Variants in RYR2 observed in about 807,000 individuals in gnomAD.
RYR2 encodes the protein ryanodine receptor 2.
RYR2 carries 227 observed loss-of-function variants against 601.1 expected under a neutral mutation model. The ratio of observed to expected loss-of-function variants is 0.38; its 90% CI spans 0.34 to 0.42. The LOEUF is 0.42. RYR2 is among the 10% of genes least tolerant of loss of function. The probability of loss-of-function intolerance (pLI) is 1.00; values close to 1 mark genes in which losing one functional copy is unlikely to be tolerated. For missense variants in RYR2, 4,646 were observed against 6,156.5 expected (o/e 0.75, Z 8.21); for synonymous variants, 2,223 against 2,175.1 (o/e 1.02, Z -0.61).
chr1:237,379,253 G>A (rs975527815), intron 8 of RYR2, among the ~76,000 whole-genome samples: 3 of 151,964 alleles, frequency 2.0e-5, no homozygotes, highest in Admixed American at 6.6e-5. Context: ...TTGTACTTCC[G>A]CTACGTATCA....
rs571333022 is a variant in RYR2 at position 237,765,413 on chromosome 1, T to A, written c.11476+4385T>A. Among the ~76,000 whole-genome samples, 6 of 152,306 alleles carry A rather than the reference T, an allele frequency of 3.9e-5. No individual in the cohort carries two copies. In the East Asian group the frequency reaches 1.2e-3, roughly 29 times the overall value. Reference sequence around the variant, plus strand: ...ATTTCTTAAAAATAGTTTGATTTTTTAAAATCCTCACTACAACATTAACTA... The same window carrying A: ...ATTTCTTAAAAATAGTTTGATTTTTAAAAATCCTCACTACAACATTAACTA... On this transcript the variant is annotated intron_variant, in intron 84 of 104. Transcript: ENST00000366574.
At chr1:237,818,657 TTA>T (rs1662102265) in intron 100 of RYR2, among the ~76,000 whole-genome samples, 1 of 151,980 alleles carries the variant, frequency 6.6e-6, no homozygotes, top group Non-Finnish European at 1.5e-5. Flanking sequence ...CCAATGTCTG[TTA>T]TGTCCAAAAT....
intron 58 of RYR2, among the ~76,000 whole-genome samples, chr1:237,671,819 A>G (rs1684972813): frequency 6.6e-6 from 1 of 152,070 alleles, no homozygotes; most frequent in Non-Finnish European, 1.5e-5. Context: ...TCCAAAAAGT[A>G]TGATTAGTGC....
intron 1 of RYR2, among the ~76,000 whole-genome samples, chr1:237,261,645 C>T (rs1348089273): frequency 6.6e-6 from 1 of 152,166 alleles, no homozygotes; most frequent in Non-Finnish European, 1.5e-5. Context: ...CCTGTAATCC[C>T]AGCACTTTGG....
intron 68 of RYR2, 102 bp downstream of exon 68, chr1:237,707,371 A>G (rs1327608202): frequency 6.4e-6 from 4 of 629,656 alleles, no homozygotes; most frequent in Non-Finnish European, 1.0e-5. Context: ...TTTTATTAAT[A>G]TTTTCTTTAC....
chr1:237,582,319 A>T (rs1033505490), intron 29 of RYR2, among the ~76,000 whole-genome samples: 1 of 150,914 alleles, frequency 6.6e-6, no homozygotes, highest in Admixed American at 6.6e-5. Context: ...CACAATGGCC[A>T]GGCTGGTCTC....
intron 101 of RYR2, among the ~76,000 whole-genome samples, chr1:237,820,685 G>T (rs748329542): frequency 2.6e-5 from 4 of 152,110 alleles, no homozygotes; most frequent in Non-Finnish European, 5.9e-5. Flanking sequence ...CCATTCACTC[G>T]CCTGGAAAGG....
Position 237,614,342 on chromosome 1 carries a change from G to C in RYR2, c.5214G>C (p.Leu1738=). The change falls in exon 37 of 105, where the codon CTG becomes CTC. Residue 1738 remains leucine, a synonymous_variant. Transcript: ENST00000366574. This position sits in a 1 kb window ranked among gnomAD's most constrained non-coding sequence, Gnocchi z 4.3. ...CGGAGGAGACGAAGAGCATCACCCT[G>C]TTCCCTGATGAGAACAAAAAACACG... ...PMTEETKSIT[L]FPDENKKHGL... 6.2e-7 allele frequency: 1 copy of C among 1,614,012 alleles called. No individual in the cohort carries two copies.
At chr1:237,209,972 T>C (rs56065009) in intron 1 of RYR2, among the ~76,000 whole-genome samples, 13,550 of 152,184 alleles carry the variant, frequency 0.089, 667 homozygotes, top group East Asian at 0.19. Context: ...TAATGAGAAA[T>C]ATAACATGTA....
chr1:237,596,258 G>T (rs1675882011), intron 34 of RYR2, among the ~76,000 whole-genome samples: 1 of 152,084 alleles, frequency 6.6e-6, no homozygotes, highest in African/African-American at 2.4e-5. Flanking sequence ...GATCTTAAGG[G>T]AACTCAGTGA....
In RYR2 at chr1:237,270,477, C is replaced by T. The variant is rs775984998; in HGVS notation, c.49-20C>T. The stretch of plus-strand genomic sequence containing the variant: ...TGTCACGTCTCACTTATTTTTCCCT[C>T]TCTTTCTCCCCCTTTGCAGGATGAT... On this transcript the variant is annotated intron_variant, in intron 1 of 104. Transcript: ENST00000366574. The T allele has an allele frequency of 3.2e-6, 5 of 1,560,462 alleles. No homozygotes were observed. Among genetic ancestry groups the T allele is most frequent in the Non-Finnish European group, 8.7e-7 (1 of 1,151,156 alleles).
intron 63 of RYR2, among the ~76,000 whole-genome samples, chr1:237,691,460 AC>A (rs1686938257): frequency 6.6e-6 from 1 of 152,076 alleles, no homozygotes; most frequent in Admixed American, 6.6e-5. Context: ...ATATCTCCAA[AC>A]CTCGCCTGTG....
intron 25 of RYR2, among the ~76,000 whole-genome samples, chr1:237,542,523 C>G (rs756852127): frequency 5.9e-5 from 9 of 152,288 alleles, no homozygotes; most frequent in South Asian, 2.1e-4. Flanking sequence ...TCTCATCTGA[C>G]TTTGCTGTCT....
chr1:237,201,886 A>C (rs938247312), intron 1 of RYR2, among the ~76,000 whole-genome samples: 1 of 152,178 alleles, frequency 6.6e-6, no homozygotes, highest in African/African-American at 2.4e-5. Context: ...ATTTGGTTCT[A>C]TCTGAGTTAT....
intron 17 of RYR2, among the ~76,000 whole-genome samples, chr1:237,474,654 T>C (rs1289906556): frequency 1.3e-5 from 2 of 152,126 alleles, no homozygotes; most frequent in Non-Finnish European, 2.9e-5. Context: ...GCCTGTAATA[T>C]CAGCTAAACT....
intron 25 of RYR2, among the ~76,000 whole-genome samples, chr1:237,534,390 A>T (rs573086224): frequency 6.6e-6 from 1 of 152,214 alleles, no homozygotes; most frequent in African/African-American, 2.4e-5. Flanking sequence ...CCTAACACAA[A>T]TCTCAGAAAC....
Position 237,648,535 on chromosome 1 carries a change from T to A in RYR2, c.7434T>A (p.Ile2478=). ...MVLFLDRVYG[I]EVQDFLLHLL... is the part of the protein sequence containing the mutation. The stretch of plus-strand genomic sequence containing the variant: ...TATTCCTTGACAGGGTCTATGGGAT[T>A]GAGGTTCAAGACTTCCTCCTCCATC... The change falls in exon 49 of 105, where the codon ATT becomes ATA. Residue 2478 remains isoleucine, a synonymous_variant. Transcript: ENST00000366574. 6.2e-7 allele frequency: 1 copy of A among 1,611,674 alleles called. No individual in the cohort carries two copies. The highest frequency in any genetic ancestry group is 8.5e-7 in the Non-Finnish European group (1 of 1,178,860).
intron 10 of RYR2, among the ~76,000 whole-genome samples, chr1:237,407,005 C>A (rs1042792368): frequency 2.6e-5 from 4 of 152,140 alleles, no homozygotes; most frequent in Non-Finnish European, 5.9e-5. Flanking sequence ...CTTCTTCCCT[C>A]CCCTGAACTC....
At chr1:237,262,342 G>T (rs372891605) in intron 1 of RYR2, among the ~76,000 whole-genome samples, 1 of 132,244 alleles carries the variant, frequency 7.6e-6, no homozygotes, top group African/African-American at 2.8e-5. Context: ...TGCAACCTCC[G>T]CCTCCCAGGT....
Sources: allele counts gnomAD v4.1 joint callset (sites outside exome capture counted in the v4.1 genomes callset), GRCh38; gene constraint gnomAD v4.1.1; non-coding constraint Gnocchi (gnomAD v3.1); transcripts MANE v1.5; gene names NCBI Gene and HGNC (gene_info 2026-07-23, HGNC 2026-07-21).